YWHAQ: variants seen among roughly 807,000 people sequenced by gnomAD.
YWHAQ encodes the protein 14-3-3 protein theta.
Under a neutral mutation model 28.3 loss-of-function variants are expected in YWHAQ, and 6 were observed. The observed-to-expected ratio is 0.21, with a 90% confidence interval of 0.12 to 0.42. The LOEUF (loss-of-function observed/expected upper bound fraction) is 0.42, where lower values mean the gene tolerates loss of function less well. YWHAQ is among the 10% of genes least tolerant of loss of function. YWHAQ has a pLI of 1.00. For synonymous variants in YWHAQ, 143 were observed against 119.1 expected (o/e 1.20, Z -1.31); for missense variants, 201 against 305.6 (o/e 0.66, Z 2.55).
chr2:9,593,898 T>A (rs1412696102), intron 2 of YWHAQ, among the ~76,000 whole-genome samples: 8 of 121,488 alleles, frequency 6.6e-5, no homozygotes, highest in Non-Finnish European at 8.5e-5. Flanking sequence ...TTAAATAGAT[T>A]AAAAAAAATA....
At chr2:9,625,261 CAAAA>C (rs74914593) in intron 2 of YWHAQ, among the ~76,000 whole-genome samples, 1 of 101,128 alleles carries the variant, frequency 9.9e-6, no homozygotes, top group Admixed American at 1.1e-4. Flanking sequence ...GACTCCATCA[CAAAA>C]AAAAAAAAAA....
intron 2 of YWHAQ, among the ~76,000 whole-genome samples, chr2:9,614,927 G>A (rs1025344319): frequency 3.9e-5 from 6 of 152,160 alleles, no homozygotes; most frequent in African/African-American, 1.2e-4. Flanking sequence ...CTATGGTTAA[G>A]AAAATTATTT....
intron 2 of YWHAQ, among the ~76,000 whole-genome samples, chr2:9,619,523 G>C (rs1667098712): frequency 6.6e-6 from 1 of 151,888 alleles, no homozygotes; most frequent in African/African-American, 2.4e-5. Context: ...ATTCCAGCCT[G>C]GGAGACAGAG....
chr2:9,627,620 A>AG (rs2125075530), intron 2 of YWHAQ, among the ~76,000 whole-genome samples: 1 of 152,330 alleles, frequency 6.6e-6, no homozygotes, highest in East Asian at 1.9e-4. Flanking sequence ...GCTTGAGGCC[A>AG]GAAGTTCAAG....
chr2:9,612,810 C>T (rs1016213311), intron 2 of YWHAQ, among the ~76,000 whole-genome samples: 1 of 152,198 alleles, frequency 6.6e-6, no homozygotes, highest in Non-Finnish European at 1.5e-5. Context: ...AACAGTAAGG[C>T]AGCTACACTG....
rs138461657 is a variant in YWHAQ at position 9,599,250 on chromosome 2, G to A, written c.295-7735C>T. Among the ~76,000 whole-genome samples the A allele has an allele frequency of 1.5e-3, 236 of 152,296 alleles. 1 individual carries two copies. Among genetic ancestry groups the A allele is most frequent in the African/African-American group, 5.4e-3 (224 of 41,564 alleles). ...GAGAGGTTGATTCATGAGGTTGACC[G>A]AAAGAAGTCACCTCCAGAACATAAA... is the stretch of plus-strand genomic sequence containing the variant. On this transcript the variant is annotated intron_variant, in intron 2 of 5. Transcript: ENST00000238081.
intron 5 of YWHAQ, among the ~76,000 whole-genome samples, chr2:9,586,874 T>C (rs1400893376): frequency 6.6e-6 from 1 of 152,224 alleles, no homozygotes; most frequent in Admixed American, 6.5e-5. Context: ...GTACTTTTTC[T>C]TGATTACTTC....
chr2:9,589,996 C>CTAAT (rs535984712), intron 3 of YWHAQ, among the ~76,000 whole-genome samples: 40 of 152,312 alleles, frequency 2.6e-4, no homozygotes, highest in South Asian at 2.3e-3. Flanking sequence ...ATTTATTGAT[C>CTAAT]TAATCCCTGA....
chr2:9,584,446 G>A lies in YWHAQ; in HGVS notation c.*840C>T, dbSNP rs1666305661. On this transcript the variant is annotated 3_prime_UTR_variant, in exon 6 of 6. Coordinates refer to ENST00000238081, the MANE Select transcript of YWHAQ (RefSeq NM_006826.4). ...TCTCACATGTGCACAAATCTGCATG[G>A]AAAAGTACTAAAGTTTTAGACTTGG... 1 of 152,564 alleles carries A rather than the reference G, an allele frequency of 6.6e-6. No homozygotes were observed. Among genetic ancestry groups the A allele is most frequent in the Non-Finnish European group, 1.5e-5 (1 of 68,042 alleles). 9.5% of individuals were successfully genotyped at this position (152,564 alleles called of 1,614,324 possible).
intron 2 of YWHAQ, among the ~76,000 whole-genome samples, chr2:9,594,625 G>A (rs762494415): frequency 6.6e-6 from 1 of 152,070 alleles, no homozygotes; most frequent in Non-Finnish European, 1.5e-5. Flanking sequence ...GTTCCTCCAA[G>A]TGAGTCAGTC....
chr2:9,609,702 G>C (rs1244360071), intron 2 of YWHAQ, among the ~76,000 whole-genome samples: 1 of 152,184 alleles, frequency 6.6e-6, no homozygotes, highest in Non-Finnish European at 1.5e-5. Flanking sequence ...CAATATGACA[G>C]CTGATTTTTC....
intron 2 of YWHAQ, among the ~76,000 whole-genome samples, chr2:9,597,789 C>CTT (rs1167972976): frequency 6.4e-5 from 9 of 140,474 alleles, no homozygotes; most frequent in South Asian, 4.5e-4. Flanking sequence ...AGAAGCAAAC[C>CTT]TTTTTTTTTT....
rs112851038 is a variant in YWHAQ at position 9,597,118 on chromosome 2, G to C, written c.295-5603C>G. On this transcript the variant is annotated intron_variant, in intron 2 of 5. Coordinates refer to ENST00000238081, the MANE Select transcript of YWHAQ (RefSeq NM_006826.4). ...GTGTCTGTCTCTGTAACTATGTGAT[G>C]AGACTATTATGATCTAAAGGTCTCT... Among the ~76,000 whole-genome samples, 434 of 152,276 alleles carry C rather than the reference G, an allele frequency of 2.9e-3. 4 individuals are homozygous for C. Among genetic ancestry groups the C allele is most frequent in the African/African-American group, 9.7e-3 (404 of 41,540 alleles).
Position 9,630,018 on chromosome 2 carries a change from G to C in YWHAQ, c.294+141C>G, listed in dbSNP as rs1667328537. On this transcript the variant is annotated intron_variant, in intron 2 of 5. Coordinates refer to ENST00000238081, the MANE Select transcript of YWHAQ (RefSeq NM_006826.4). The surrounding 1 kb of genome is among the most constrained non-coding windows in gnomAD (Gnocchi z 5.6). ...TCAACAACCGGAGGGACACAGTAGG[G>C]AAGTCAGGGCTCACCTAAAACCCTC... 3 of 1,064,048 alleles carry C rather than the reference G, an allele frequency of 2.8e-6. No individual in the cohort carries two copies. Among genetic ancestry groups the C allele is most frequent in the East Asian group, 5.0e-5 (2 of 39,716 alleles). The allele number at this position is 1,064,048 out of a possible 1,614,324, so 65.9% of individuals were successfully genotyped here.
At chr2:9,611,685 T>C (rs1666950670) in intron 2 of YWHAQ, among the ~76,000 whole-genome samples, 1 of 152,330 alleles carries the variant, frequency 6.6e-6, no homozygotes, top group East Asian at 1.9e-4. Flanking sequence ...TACTCTTTTT[T>C]TGAGGCTAGG....
chr2:9,602,006 T>G (rs913327819), intron 2 of YWHAQ, among the ~76,000 whole-genome samples: 2 of 152,158 alleles, frequency 1.3e-5, no homozygotes, highest in Admixed American at 6.5e-5. Context: ...CAGATACTAA[T>G]TCAGACAACG....
At chr2:9,587,081 G>C (rs186218974) in intron 5 of YWHAQ, among the ~76,000 whole-genome samples, 9 of 152,294 alleles carry the variant, frequency 5.9e-5, no homozygotes, top group South Asian at 2.1e-4. Flanking sequence ...TAGATATTTA[G>C]ATAGTCCCTA....
At chr2:9,597,983 C>CTTTTTTTTTTTTTTTTTTTT (rs1558543507) in intron 2 of YWHAQ, among the ~76,000 whole-genome samples, 1 of 79,090 alleles carries the variant, frequency 1.3e-5, no homozygotes, top group Admixed American at 1.2e-4. Flanking sequence ...CCATGCCGGG[C>CTTTTTTTTTTTTTTTTTTTT]TATTTTTTTT....
At chr2:9,620,562 T>C (rs1000813215) in intron 2 of YWHAQ, 1 of 152,178 alleles carries the variant, frequency 6.6e-6, no homozygotes, top group Non-Finnish European at 1.5e-5. Context: ...TGGTCAGGTA[T>C]TGGGAGGGGC....
Sources: allele counts gnomAD v4.1 joint callset (sites outside exome capture counted in the v4.1 genomes callset), GRCh38; gene constraint gnomAD v4.1.1; non-coding constraint Gnocchi (gnomAD v3.1); transcripts MANE v1.5; gene names NCBI Gene and HGNC (gene_info 2026-07-23, HGNC 2026-07-21).